ABLIM2: variants seen among roughly 807,000 people sequenced by gnomAD.
The protein encoded by ABLIM2 is actin-binding LIM protein 2.
A neutral mutation model predicts 97.7 loss-of-function variants in ABLIM2; 53 were observed. The observed-to-expected ratio is 0.54, with a 90% CI of 0.44 to 0.68. The LOEUF is 0.68. Among genes scored for constraint, ABLIM2 ranks in the 30% least tolerant of loss-of-function variants. ABLIM2 has a pLI of 0.00. For missense variants in ABLIM2, 835 were observed against 867.2 expected (o/e 0.96, Z 0.47); for synonymous variants, 361 against 345.8 (o/e 1.04, Z -0.49).
Position 8,148,191 on chromosome 4 carries a change from C to T in ABLIM2, c.10+10489G>A, listed in dbSNP as rs558143619. 1.5e-4 allele frequency among the ~76,000 whole-genome samples: 23 copies of T among 152,292 alleles called. 2 individuals are homozygous for T. The East Asian group carries it at 4.1e-3, about 27-fold the overall frequency. On this transcript the variant is annotated intron_variant, in intron 1 of 20. Transcript: ENST00000447017. This position sits in a 1 kb window ranked among gnomAD's most constrained non-coding sequence, Gnocchi z 6.7. ...GCAGAGGGAGAAAAGGAAGACGTGG[C>T]GGCGGTGCAGCAGAAGCTCTCCTGT...
chr4:8,131,690 CAT>C, intron 1 of ABLIM2, among the ~76,000 whole-genome samples: 1 of 109,844 alleles, frequency 9.1e-6, no homozygotes, highest in Non-Finnish European at 1.9e-5. Flanking sequence ...CAGCAGCCCG[CAT>C]CCCCAGCACA....
At chr4:8,042,298 C>T (rs887695032) in intron 9 of ABLIM2, among the ~76,000 whole-genome samples, 12 of 152,206 alleles carry the variant, frequency 7.9e-5, no homozygotes, top group African/African-American at 2.4e-4. Context: ...AGCCTAGAAA[C>T]ATGAGTCTAA....
intron 6 of ABLIM2, chr4:8,066,387 AAGGAAGGAAG>A: frequency 9.8e-6 from 1 of 101,850 alleles, no homozygotes; most frequent in African/African-American, 3.3e-5. Context: ...GGAAGGAAGG[AAGGAAGGAAG>A]GAAGGAAGGA....
In ABLIM2 at chr4:8,130,688, AT is replaced by A. The variant is rs1460563756; in HGVS notation, c.11-24052del. 6.6e-6 allele frequency among the ~76,000 whole-genome samples: 1 copy of A among 152,086 alleles called. No individual in the cohort carries two copies. Among genetic ancestry groups the A allele is most frequent in the Non-Finnish European group, 1.5e-5 (1 of 68,004 alleles). On this transcript the variant is annotated intron_variant, in intron 1 of 20. Coordinates refer to ENST00000447017, the MANE Select transcript of ABLIM2 (RefSeq NM_001130083.2). This position sits in a 1 kb window ranked among gnomAD's most constrained non-coding sequence, Gnocchi z 4.2. ...AGAGGGGCTTCCTGGAGGAGGGGGT[AT>A]CAAAGTCCAGCTGTGAGATGGAGGA...
At chr4:8,101,776 C>T (rs917505992) in intron 2 of ABLIM2, among the ~76,000 whole-genome samples, 1 of 152,240 alleles carries the variant, frequency 6.6e-6, no homozygotes, top group Non-Finnish European at 1.5e-5. Context: ...ACAGTTAAAA[C>T]ATATTCCCAA....
rs2150847279 is a variant in ABLIM2, at chr4:8,019,119, G to C, written c.1423+499C>G. Among the ~76,000 whole-genome samples, 1 of 152,334 alleles carries C rather than the reference G, an allele frequency of 6.6e-6. No homozygotes were observed. The highest frequency in any genetic ancestry group is 1.9e-4 in the East Asian group (1 of 5,190). ...CGTCAGCTCCTATTTGCTTATGCAA[G>C]AAATCTCCGTAACGGAAGGCAAGGT... On this transcript the variant is annotated intron_variant, in intron 14 of 20. Transcript: ENST00000447017. This position sits in a 1 kb window ranked among gnomAD's most constrained non-coding sequence, Gnocchi z 4.3.
intron 1 of ABLIM2, among the ~76,000 whole-genome samples, chr4:8,142,730 C>T (rs748900271): frequency 6.6e-5 from 10 of 152,222 alleles, no homozygotes; most frequent in Non-Finnish European, 1.5e-4. Flanking sequence ...ATGGCCCTCA[C>T]TCTTCCCCTG....
At chr4:8,137,306 T>A (rs1017622247) in intron 1 of ABLIM2, among the ~76,000 whole-genome samples, 3 of 151,462 alleles carry the variant, frequency 2.0e-5, no homozygotes, top group Non-Finnish European at 2.9e-5. Flanking sequence ...GCTCTGGGAG[T>A]CCCTGGTCAA....
chr4:8,132,933 T>C lies in ABLIM2; in HGVS notation c.10+25747A>G, dbSNP rs1242511195. 6.6e-6 allele frequency among the ~76,000 whole-genome samples: 1 copy of C among 152,168 alleles called. No homozygotes were observed. Among genetic ancestry groups the C allele is most frequent in the Non-Finnish European group, 1.5e-5 (1 of 68,024 alleles). On this transcript the variant is annotated intron_variant, in intron 1 of 20. Transcript: ENST00000447017. The surrounding 1 kb of genome is among the most constrained non-coding windows in gnomAD (Gnocchi z 8.0). ...CTCGATGGGTGTCCCGTGGCTGCTG[T>C]GACACAGTGCCACAGACGGCAGCTT...
intron 17 of ABLIM2, 80 bp from the exon 18 acceptor site, chr4:7,984,973 C>T (rs906132665): frequency 2.0e-6 from 3 of 1,482,642 alleles, no homozygotes; most frequent in South Asian, 2.5e-5. Context: ...GGAGATGTGG[C>T]CCCTTGGAGG....
At chr4:8,020,568 G>A (rs1028995203) in intron 12 of ABLIM2, 9 of 564,768 alleles carry the variant, frequency 1.6e-5, no homozygotes, top group Non-Finnish European at 2.6e-5. Context: ...AGGGCTGGGC[G>A]GTGAACTAAG....
intron 8 of ABLIM2, among the ~76,000 whole-genome samples, chr4:8,053,307 C>T (rs754460517): frequency 1.3e-5 from 2 of 152,230 alleles, no homozygotes; most frequent in Non-Finnish European, 2.9e-5. Context: ...TCCCGCCTTT[C>T]CAGACTGAAC....
chr4:8,059,479 C>T (rs1179171315), intron 7 of ABLIM2, among the ~76,000 whole-genome samples: 1 of 152,128 alleles, frequency 6.6e-6, no homozygotes, highest in Non-Finnish European at 1.5e-5. Context: ...GGAGAAGGCA[C>T]ACAGCACTCC....
At position 8,008,072 on chromosome 4, in the gene ABLIM2, G is replaced by C; in HGVS notation, c.1605C>G (p.Asp535Glu). The C allele has an allele frequency of 6.2e-7, 1 of 1,614,008 alleles. No individual in the cohort carries two copies. The highest frequency in any genetic ancestry group is 8.5e-7 in the Non-Finnish European group (1 of 1,179,880). Residue 535 changes from aspartate (D) to glutamate (E), a missense_variant, in exon 16 of 21, where the codon GAC (aspartate) becomes GAG (glutamate). Asp to Glu is a conservative substitution (Grantham distance 45). Coordinates refer to ENST00000447017, the MANE Select transcript of ABLIM2 (RefSeq NM_001130083.2). ...DRDPLQRMAGDSFHSRFPYSK... is the reference protein window; with the variant it reads ...DRDPLQRMAGESFHSRFPYSK... ...AGAACCACTCACGTGAGTGAAAGCT[G>C]TCCCCTGCCATCCTTTGGAGAGGGT...
chr4:8,144,711 C>T (rs561854167), intron 1 of ABLIM2, among the ~76,000 whole-genome samples: 1 of 152,346 alleles, frequency 6.6e-6, no homozygotes, highest in African/African-American at 2.4e-5. Context: ...CACCCCACCA[C>T]CTGGTGTGAA....
At position 8,085,823 on chromosome 4, in the gene ABLIM2, C is replaced by T. The variant is rs1406103056; in HGVS notation, c.454+2346G>A. Among the ~76,000 whole-genome samples the T allele has an allele frequency of 6.6e-6, 1 of 152,214 alleles. No individual in the cohort carries two copies. Among genetic ancestry groups the T allele is most frequent in the Non-Finnish European group, 1.5e-5 (1 of 68,034 alleles). ...GACCCACCTGCTGGAATTCAGCCTG[C>T]GTCTCCAGTTTCAGAACCAAGGCCA... On this transcript the variant is annotated intron_variant, in intron 4 of 20. Transcript: ENST00000447017. This position sits in a 1 kb window ranked among gnomAD's most constrained non-coding sequence, Gnocchi z 6.1.
In ABLIM2 at chr4:8,069,399, AG is replaced by A. The variant is rs976726091; in HGVS notation, c.675+8228del. 4.1e-4 allele frequency among the ~76,000 whole-genome samples: 62 copies of A among 152,326 alleles called. No individual in the cohort carries two copies. Among genetic ancestry groups the A allele is most frequent in the African/African-American group, 1.5e-3 (62 of 41,558 alleles). On this transcript the variant is annotated intron_variant, in intron 6 of 20. Transcript: ENST00000447017. This position sits in a 1 kb window ranked among gnomAD's most constrained non-coding sequence, Gnocchi z 4.2. Reference sequence around the variant, plus strand: ...CGCACTGCAGCGTGTCCAGGCTCGGAGGGTCCCACCACGAAGACAGTGATGA... The same window carrying A: ...CGCACTGCAGCGTGTCCAGGCTCGGAGGTCCCACCACGAAGACAGTGATGA...
At chr4:8,104,016 C>T (rs1178942080) in intron 2 of ABLIM2, among the ~76,000 whole-genome samples, 1 of 152,240 alleles carries the variant, frequency 6.6e-6, no homozygotes, top group Admixed American at 6.5e-5. Context: ...TCCCACGATG[C>T]CCTGGAAAGC....
intron 9 of ABLIM2, among the ~76,000 whole-genome samples, chr4:8,042,820 C>G (rs1579560394): frequency 9.4e-6 from 1 of 105,920 alleles, no homozygotes; most frequent in Admixed American, 1.2e-4. Context: ...GCCTGGGCAA[C>G]AAGAGCGAAA....
Sources: gnomAD v4.1 joint callset for allele counts (sites outside exome capture counted in the v4.1 genomes callset) on GRCh38, gnomAD v4.1.1 for gene constraint, Gnocchi (gnomAD v3.1) non-coding constraint, MANE v1.5 for transcripts, NCBI Gene and HGNC (gene_info 2026-07-23, HGNC 2026-07-21) for gene names.